Variants in MIPOL1 observed in about 807,000 individuals in gnomAD.
MIPOL1 encodes mirror-image polydactyly gene 1 protein.
A neutral mutation model predicts 60.9 loss-of-function variants in MIPOL1; 57 were observed. The ratio of observed to expected loss-of-function variants is 0.94; its 90% CI spans 0.76 to 1.17. The LOEUF (loss-of-function observed/expected upper bound fraction) is 1.17. MIPOL1 is among the 50% of genes most tolerant of loss of function. MIPOL1 has a pLI of 0.00. For missense variants in MIPOL1, 551 were observed against 511.6 expected (o/e 1.08, Z -0.74); for synonymous variants, 179 against 168.8 (o/e 1.06, Z -0.47).
intron 7 of MIPOL1, among the ~76,000 whole-genome samples, chr14:37,303,713 ATATT>A (rs1408605978): frequency 6.6e-6 from 1 of 151,870 alleles, no homozygotes; most frequent in Non-Finnish European, 1.5e-5. Context: ...CATTCAGTAA[ATATT>A]TATTGACTAT....
intron 10 of MIPOL1, among the ~76,000 whole-genome samples, chr14:37,379,303 C>T (rs893279704): frequency 6.6e-6 from 1 of 151,914 alleles, no homozygotes; most frequent in Non-Finnish European, 1.5e-5. Context: ...ATACAACATA[C>T]AAAAGTAATT....
intron 7 of MIPOL1, among the ~76,000 whole-genome samples, chr14:37,302,095 T>G (rs1399848436): frequency 6.2e-5 from 9 of 145,118 alleles, no homozygotes; most frequent in Non-Finnish European, 1.4e-4. Context: ...GACATATATT[T>G]TCAAATCAGT....
At chr14:37,413,797 C>A (rs955598716) in intron 10 of MIPOL1, among the ~76,000 whole-genome samples, 1 of 152,124 alleles carries the variant, frequency 6.6e-6, no homozygotes, top group Non-Finnish European at 1.5e-5. Flanking sequence ...TCCTAAGACA[C>A]CTTAGTTTAA....
At chr14:37,376,859 A>G (rs919335794) in intron 10 of MIPOL1, among the ~76,000 whole-genome samples, 10 of 152,178 alleles carry the variant, frequency 6.6e-5, no homozygotes, top group South Asian at 2.1e-4. Context: ...GAAACTGCCA[A>G]TTGTCTTCCA....
At chr14:37,234,959 T>G (rs1332095268) in intron 1 of MIPOL1, among the ~76,000 whole-genome samples, 2 of 147,190 alleles carry the variant, frequency 1.4e-5, no homozygotes, top group Non-Finnish European at 3.0e-5. Context: ...TTTTTTTTTT[T>G]TTTTTGTATT....
intron 1 of MIPOL1, among the ~76,000 whole-genome samples, chr14:37,243,912 TAGG>T (rs1346618754): frequency 6.6e-6 from 1 of 152,066 alleles, no homozygotes. Flanking sequence ...GCTGAGTAAA[TAGG>T]AGAGTCAAGT....
intron 12 of MIPOL1, among the ~76,000 whole-genome samples, chr14:37,544,533 A>C (rs995632879): frequency 6.6e-6 from 1 of 152,204 alleles, no homozygotes; most frequent in Non-Finnish European, 1.5e-5. Flanking sequence ...TTTTAAGGAC[A>C]TTATTGATTT....
chr14:37,388,225 A>C (rs571207440), intron 10 of MIPOL1, among the ~76,000 whole-genome samples: 1 of 152,000 alleles, frequency 6.6e-6, no homozygotes, highest in East Asian at 1.9e-4. Flanking sequence ...ATTTGTTTAA[A>C]AGAAAACTGA....
intron 1 of MIPOL1, among the ~76,000 whole-genome samples, chr14:37,201,710 A>C (rs1965371468): frequency 6.6e-6 from 1 of 152,130 alleles, no homozygotes; most frequent in African/African-American, 2.4e-5. Context: ...TGGGCTGCCC[A>C]GTTCATCTTT....
chr14:37,441,766 A>G (rs1384025824), intron 11 of MIPOL1, among the ~76,000 whole-genome samples: 1 of 152,054 alleles, frequency 6.6e-6, no homozygotes, highest in Non-Finnish European at 1.5e-5. Context: ...TTGGTTTCAT[A>G]AAAATTTTAG....
rs190971480 is a variant in MIPOL1, at chr14:37,214,414, T to C, written c.-199+16310T>C. Among the ~76,000 whole-genome samples, 33 of 152,294 alleles carry C rather than the reference T, an allele frequency of 2.2e-4. No homozygotes were observed. In the East Asian group the frequency reaches 6.4e-3, roughly 29 times the overall value. ...TAGTGTTGTTTTCAGATTAAAATAA[T>C]GGGTTATAGATAGTATTTGCAAGCC... On this transcript the variant is annotated intron_variant, in intron 1 of 12. Coordinates refer to ENST00000684589, the MANE Select transcript of MIPOL1 (RefSeq NM_001388067.1).
At chr14:37,516,896 A>T (rs749348550) in intron 12 of MIPOL1, among the ~76,000 whole-genome samples, 6 of 152,210 alleles carry the variant, frequency 3.9e-5, no homozygotes, top group Non-Finnish European at 5.9e-5. Context: ...AACTTAAAAT[A>T]CAAGCTCAAA....
Position 37,499,940 on chromosome 14 carries a change from T to C in MIPOL1, c.1064T>C (p.Leu355Pro). The change falls in exon 12 of 13, where the codon CTG (leucine) becomes CCG (proline). Residue 355 changes from leucine (L) to proline (P), a missense_variant. Physicochemically the swap from Leu to Pro is moderately conservative, Grantham distance 98. Coordinates refer to ENST00000684589, the MANE Select transcript of MIPOL1 (RefSeq NM_001388067.1). ...LHKSLSQEEN[L>P]KDQFNYTLST... ...AAATCTTTATCTCAAGAAGAAAATCTGAAGGATCAGTTTAACTATACCCTT... is the reference window on the plus strand; with the variant it reads ...AAATCTTTATCTCAAGAAGAAAATCCGAAGGATCAGTTTAACTATACCCTT... 6.3e-7 allele frequency: 1 copy of C among 1,594,312 alleles called. No homozygotes were observed. Among genetic ancestry groups the C allele is most frequent in the Non-Finnish European group, 8.5e-7 (1 of 1,170,034 alleles).
intron 9 of MIPOL1, among the ~76,000 whole-genome samples, chr14:37,321,919 A>G (rs2088619425): frequency 6.6e-6 from 1 of 151,918 alleles, no homozygotes; most frequent in African/African-American, 2.4e-5. Flanking sequence ...ACTTGACCCC[A>G]ACATCTTATT....
At chr14:37,350,479 G>A (rs1003665760) in intron 9 of MIPOL1, among the ~76,000 whole-genome samples, 1 of 151,198 alleles carries the variant, frequency 6.6e-6, no homozygotes, top group Non-Finnish European at 1.5e-5. Context: ...TGGGTACATA[G>A]TAGGTGTATA....
At chr14:37,270,274 A>C in intron 5 of MIPOL1, 146 bp from the exon 6 acceptor site, 1 of 416,386 alleles carries the variant, frequency 2.4e-6, no homozygotes, top group African/African-American at 2.1e-5. Context: ...AAATAACTTA[A>C]ATTTTAAATT....
At chr14:37,208,893 G>A (rs1397852008) in intron 1 of MIPOL1, among the ~76,000 whole-genome samples, 1 of 152,114 alleles carries the variant, frequency 6.6e-6, no homozygotes. Context: ...GCCTGGCCTT[G>A]TCACTCTACT....
intron 10 of MIPOL1, among the ~76,000 whole-genome samples, chr14:37,374,513 G>T (rs1427136436): frequency 6.6e-6 from 1 of 151,980 alleles, no homozygotes; most frequent in Non-Finnish European, 1.5e-5. Context: ...TTTTTATGGT[G>T]TTAGGTCTTA....
At chr14:37,219,866 G>A (rs1056397722) in intron 1 of MIPOL1, among the ~76,000 whole-genome samples, 1 of 149,858 alleles carries the variant, frequency 6.7e-6, no homozygotes, top group African/African-American at 2.4e-5. Flanking sequence ...GGTTGCTTAT[G>A]TTTAGCTAGT....
Sources: allele counts gnomAD v4.1 joint callset (sites outside exome capture counted in the v4.1 genomes callset), GRCh38; gene constraint gnomAD v4.1.1; transcripts MANE v1.5; gene names NCBI Gene and HGNC (gene_info 2026-07-23, HGNC 2026-07-21).